Variants in SGCZ observed in about 807,000 individuals in gnomAD.
SGCZ encodes the protein zeta-sarcoglycan.
A neutral mutation model predicts 41.3 loss-of-function variants in SGCZ; 40 were observed. That is an observed-to-expected ratio of 0.97 (90% CI 0.75 to 1.26). SGCZ has a LOEUF of 1.26. SGCZ is among the 50% of genes most tolerant of loss of function. The probability of loss-of-function intolerance (pLI) is 0.00; values close to 1 mark genes in which losing one functional copy is unlikely to be tolerated. For missense variants in SGCZ, 552 were observed against 369.8 expected, an observed-to-expected ratio of 1.49 and a Z score of -4.04; for synonymous variants, 206 against 137.5, an observed-to-expected ratio of 1.50 and a Z score of -3.49.
chr8:15,164,487 G>C (rs1337334567), intron 1 of SGCZ, among the ~76,000 whole-genome samples: 4 of 152,066 alleles, frequency 2.6e-5, no homozygotes, highest in Admixed American at 6.5e-5. Flanking sequence ...GCCCTCCCCA[G>C]CCCAGGGGTT....
intron 1 of SGCZ, among the ~76,000 whole-genome samples, chr8:14,664,520 T>C (rs541167309): frequency 5.3e-5 from 8 of 152,256 alleles, no homozygotes; most frequent in African/African-American, 1.9e-4. Context: ...AACTAGGGAA[T>C]CAAGATTTGA....
chr8:14,988,505 T>C (rs2046099), intron 1 of SGCZ, among the ~76,000 whole-genome samples: 59,123 of 151,824 alleles, frequency 0.39, 11,806 homozygotes, highest in East Asian at 0.49. Flanking sequence ...GGCCTAAATA[T>C]GGATTGAGAA....
chr8:14,249,597 A>T (rs1269196143), intron 3 of SGCZ, among the ~76,000 whole-genome samples: 1 of 152,158 alleles, frequency 6.6e-6, no homozygotes, highest in African/African-American at 2.4e-5. Flanking sequence ...GCATTTTGTT[A>T]ATTGTGGTTA....
intron 1 of SGCZ, among the ~76,000 whole-genome samples, chr8:14,720,072 T>G (rs894283098): frequency 6.6e-6 from 1 of 152,114 alleles, no homozygotes; most frequent in Non-Finnish European, 1.5e-5. Context: ...TTTCTACATA[T>G]GGCTAGCCAG....
intron 1 of SGCZ, among the ~76,000 whole-genome samples, chr8:15,111,321 T>A (rs1807043229): frequency 6.6e-6 from 1 of 152,104 alleles, no homozygotes; most frequent in Non-Finnish European, 1.5e-5. Context: ...CCTCTCCCGC[T>A]TCCACTATAT....
intron 4 of SGCZ, 189 bp from the exon 5 acceptor site, chr8:14,164,891 G>T: frequency 1.4e-6 from 1 of 691,466 alleles, no homozygotes; most frequent in Non-Finnish European, 2.3e-6. Context: ...GTACTTCTGT[G>T]CTAGGCTGGT....
At chr8:15,040,901 A>G (rs1345394080) in intron 1 of SGCZ, among the ~76,000 whole-genome samples, 2 of 152,166 alleles carry the variant, frequency 1.3e-5, no homozygotes, top group Admixed American at 1.3e-4. Flanking sequence ...CTTGATTGAA[A>G]AGCTATATAA....
At chr8:15,174,278 G>A (rs77090978) in intron 1 of SGCZ, among the ~76,000 whole-genome samples, 5,629 of 152,202 alleles carry the variant, frequency 0.037, 162 homozygotes, top group East Asian at 0.1. Flanking sequence ...TTTTTTCATT[G>A]TGTAAATATA....
intron 1 of SGCZ, among the ~76,000 whole-genome samples, chr8:15,159,160 A>T (rs1467970359): frequency 6.6e-6 from 1 of 152,138 alleles, no homozygotes; most frequent in Non-Finnish European, 1.5e-5. Flanking sequence ...CTAGGTAATG[A>T]GGCCTCTATA....
chr8:14,237,623 G>A lies in SGCZ; in HGVS notation c.393C>T (p.His131=). Residue 131 remains histidine, a synonymous_variant, in exon 4 of 8, where the codon CAC becomes CAT. Transcript: ENST00000382080. ...TCAGCTGTCCGGTTAACTGCCCCATGTGATTTCTTGCATTCACTGTGACAT... is the reference window on the plus strand; with the variant it reads ...TCAGCTGTCCGGTTAACTGCCCCATATGATTTCTTGCATTCACTGTGACAT... ...DRNVTVNARN[H]MGQLTGQLTI... The A allele has an allele frequency of 6.2e-7, 1 of 1,613,936 alleles. No homozygotes were observed. The highest frequency in any genetic ancestry group is 8.5e-7 in the Non-Finnish European group (1 of 1,179,846).
intron 2 of SGCZ, among the ~76,000 whole-genome samples, chr8:14,431,726 G>T (rs1366172444): frequency 6.6e-6 from 1 of 151,532 alleles, no homozygotes; most frequent in African/African-American, 2.4e-5. Context: ...ACGGCAAAAA[G>T]AACAGTTAGT....
At chr8:14,339,618 G>GTT (rs1802631653) in intron 2 of SGCZ, among the ~76,000 whole-genome samples, 1 of 152,126 alleles carries the variant, frequency 6.6e-6, no homozygotes, top group African/African-American at 2.4e-5. Context: ...ATGTTAGGAG[G>GTT]TTGGTACTTG....
intron 1 of SGCZ, among the ~76,000 whole-genome samples, chr8:14,728,997 C>G (rs149190635): frequency 6.6e-6 from 1 of 152,146 alleles, no homozygotes; most frequent in Non-Finnish European, 1.5e-5. Flanking sequence ...GTTTAGTGAC[C>G]TAGTTTTAAA....
At chr8:14,296,265 G>A (rs1801009977) in intron 3 of SGCZ, among the ~76,000 whole-genome samples, 1 of 152,070 alleles carries the variant, frequency 6.6e-6, no homozygotes, top group Non-Finnish European at 1.5e-5. Flanking sequence ...CTGAATGTAT[G>A]GAAAACAATA....
intron 1 of SGCZ, among the ~76,000 whole-genome samples, chr8:15,204,292 C>G (rs1248449440): frequency 6.6e-6 from 1 of 152,080 alleles, no homozygotes; most frequent in Non-Finnish European, 1.5e-5. Flanking sequence ...AACATTTTCT[C>G]CAACTTAAAA....
chr8:14,175,651 A>C (rs1210967157), intron 4 of SGCZ, among the ~76,000 whole-genome samples: 3 of 152,092 alleles, frequency 2.0e-5, no homozygotes, highest in Non-Finnish European at 4.4e-5. Flanking sequence ...TAAAAACAAC[A>C]TGCAATCCAA....
chr8:14,116,130 T>C (rs1802514454), intron 5 of SGCZ, among the ~76,000 whole-genome samples: 2 of 152,180 alleles, frequency 1.3e-5, no homozygotes, highest in South Asian at 4.1e-4. Flanking sequence ...TACATAATTG[T>C]CTTTGGGGGC....
intron 1 of SGCZ, among the ~76,000 whole-genome samples, chr8:14,956,785 C>T (rs573954604): frequency 1.3e-5 from 2 of 152,146 alleles, no homozygotes; most frequent in African/African-American, 4.8e-5. Context: ...CTAGAATGCC[C>T]AGGTTATTTT....
intron 2 of SGCZ, among the ~76,000 whole-genome samples, chr8:14,502,818 G>A (rs1253194460): frequency 6.6e-6 from 1 of 152,224 alleles, no homozygotes; most frequent in Non-Finnish European, 1.5e-5. Context: ...TGGCGAGGAT[G>A]TGGAGAAATA....
Sources: gnomAD v4.1 joint callset for allele counts (sites outside exome capture counted in the v4.1 genomes callset) on GRCh38, gnomAD v4.1.1 for gene constraint, MANE v1.5 for transcripts, NCBI Gene and HGNC (gene_info 2026-07-23, HGNC 2026-07-21) for gene names.